IQCM: variants seen among roughly 807,000 people sequenced by gnomAD.
IQCM encodes the protein IQ motif containing M, also known as IQ domain-containing protein M.
A neutral mutation model predicts 57.6 loss-of-function variants in IQCM; 45 were observed. That is an observed-to-expected ratio of 0.78 (90% CI 0.62 to 1.00). The LOEUF (loss-of-function observed/expected upper bound fraction) is 1.00, where lower values mean the gene tolerates loss of function less well. Ranked by LOEUF, IQCM falls within the 50% of genes least tolerant of loss-of-function variation. The pLI, the probability that IQCM is intolerant of heterozygous loss-of-function variation, is 0.00. For synonymous variants in IQCM, 148 were observed against 158.9 expected (o/e 0.93, Z 0.51); for missense variants, 468 against 511.6 (o/e 0.91, Z 0.82).
chr4:149,468,437 C>T (rs531078115), intron 12 of IQCM, among the ~76,000 whole-genome samples: 20 of 152,254 alleles, frequency 1.3e-4, no homozygotes, highest in African/African-American at 3.4e-4. Context: ...GAGGGGCGTC[C>T]GCCATTGCTG....
At chr4:149,562,298 T>C (rs898974730) in intron 10 of IQCM, among the ~76,000 whole-genome samples, 1 of 152,080 alleles carries the variant, frequency 6.6e-6, no homozygotes, top group African/African-American at 2.4e-5. Context: ...CATGTAAGGG[T>C]AGATGAATGG....
At chr4:149,661,852 G>A (rs563316193) in intron 7 of IQCM, among the ~76,000 whole-genome samples, 3 of 151,932 alleles carry the variant, frequency 2.0e-5, no homozygotes, top group African/African-American at 7.2e-5. Context: ...TCTTAGTCTG[G>A]CTAATGATTT....
At chr4:149,422,149 A>G (rs1298464220) in intron 13 of IQCM, among the ~76,000 whole-genome samples, 1 of 152,028 alleles carries the variant, frequency 6.6e-6, no homozygotes, top group Non-Finnish European at 1.5e-5. Flanking sequence ...CTTCAGCAAC[A>G]TTTACATCTA....
At chr4:149,537,469 T>A (rs1747411588) in intron 12 of IQCM, among the ~76,000 whole-genome samples, 1 of 151,738 alleles carries the variant, frequency 6.6e-6, no homozygotes, top group Non-Finnish European at 1.5e-5. Context: ...CAGAGACTTG[T>A]GGGAAAACTT....
intron 13 of IQCM, among the ~76,000 whole-genome samples, chr4:149,405,129 C>CA (rs1423657507): frequency 6.6e-6 from 1 of 150,616 alleles, no homozygotes; most frequent in Admixed American, 6.6e-5. Context: ...AAAATTAGGC[C>CA]AAAAAAGAAA....
chr4:149,482,526 A>G (rs1244947954), intron 12 of IQCM, among the ~76,000 whole-genome samples: 1 of 151,966 alleles, frequency 6.6e-6, no homozygotes, highest in African/African-American at 2.4e-5. Flanking sequence ...TTTAGAATCA[A>G]TTGAAATGGT....
chr4:149,812,485 CACACACACACACACACAG>C, intron 2 of IQCM, among the ~76,000 whole-genome samples: 5 of 137,520 alleles, frequency 3.6e-5, no homozygotes, highest in African/African-American at 1.5e-4. Flanking sequence ...CTCTCTCACA[CACACACACACACACACAG>C]ACACACACAC....
At chr4:149,442,568 A>C (rs559929967) in intron 12 of IQCM, among the ~76,000 whole-genome samples, 1 of 152,144 alleles carries the variant, frequency 6.6e-6, no homozygotes, top group African/African-American at 2.4e-5. Flanking sequence ...CTGCCACTAC[A>C]TAACAAGAAT....
chr4:149,353,768 T>C (rs1177236024), intron 13 of IQCM, among the ~76,000 whole-genome samples: 1 of 152,062 alleles, frequency 6.6e-6, no homozygotes, highest in Non-Finnish European at 1.5e-5. Flanking sequence ...AATTGGTTAC[T>C]AGAGGTGGAG....
At chr4:149,401,056 T>G (rs1287268229) in intron 13 of IQCM, among the ~76,000 whole-genome samples, 1 of 151,696 alleles carries the variant, frequency 6.6e-6, no homozygotes, top group African/African-American at 2.4e-5. Context: ...AATAAATAAT[T>G]TAACGCATAT....
Position 149,797,953 on chromosome 4 carries a change from G to GAA in IQCM, c.-49+17356_-49+17357dup, listed in dbSNP as rs568780704. Among the ~76,000 whole-genome samples the GAA allele has an allele frequency of 4.9e-5, 7 of 143,630 alleles. No homozygotes were observed. In the East Asian group the frequency reaches 1.2e-3, roughly 25 times the overall value. The allele number at this position is 143,630 out of a possible 152,430, so 94.2% of individuals were successfully genotyped here. On this transcript the variant is annotated intron_variant, in intron 2 of 13. Coordinates refer to ENST00000636793, the MANE Select transcript of IQCM (RefSeq NM_001363507.2). The stretch of plus-strand genomic sequence containing the variant: ...AATGCTAAAGAGAGTACTTCAATCA[G>GAA]AAAAAAAAAAGACATTAATGAGCAA...
At chr4:149,549,819 C>T (rs971509452) in intron 11 of IQCM, among the ~76,000 whole-genome samples, 2 of 152,138 alleles carry the variant, frequency 1.3e-5, no homozygotes, top group African/African-American at 4.8e-5. Context: ...TTTTTCTATT[C>T]ATTCATTCAT....
intron 7 of IQCM, among the ~76,000 whole-genome samples, chr4:149,627,296 G>A (rs1156730067): frequency 6.6e-6 from 1 of 152,156 alleles, no homozygotes; most frequent in Non-Finnish European, 1.5e-5. Flanking sequence ...CTGGGAATTA[G>A]GCAGAGAACC....
At chr4:149,400,880 C>T (rs1560804992) in intron 13 of IQCM, among the ~76,000 whole-genome samples, 1 of 151,810 alleles carries the variant, frequency 6.6e-6, no homozygotes, top group Admixed American at 6.6e-5. Context: ...GCTGTATAGA[C>T]TAATTCTTAT....
intron 5 of IQCM, among the ~76,000 whole-genome samples, chr4:149,729,742 C>G (rs1158300450): frequency 1.3e-5 from 2 of 152,002 alleles, no homozygotes; most frequent in Non-Finnish European, 2.9e-5. Flanking sequence ...TCTTTGTTTC[C>G]TTTACCCCTT....
At chr4:149,549,058 T>C (rs949757149) in intron 11 of IQCM, among the ~76,000 whole-genome samples, 1 of 152,206 alleles carries the variant, frequency 6.6e-6, no homozygotes, top group Non-Finnish European at 1.5e-5. Flanking sequence ...GGCCCCTAAT[T>C]GGGAGCAATG....
chr4:149,683,763 G>C (rs1762363154), intron 6 of IQCM, among the ~76,000 whole-genome samples: 1 of 151,308 alleles, frequency 6.6e-6, no homozygotes, highest in South Asian at 2.1e-4. Flanking sequence ...ACTAATGAAA[G>C]ATTCTAATGG....
At chr4:149,611,357 C>G (rs756564401) in intron 8 of IQCM, among the ~76,000 whole-genome samples, 5 of 152,068 alleles carry the variant, frequency 3.3e-5, no homozygotes, top group Non-Finnish European at 7.4e-5. Context: ...GAAAGGAAAT[C>G]AGTATGTCAA....
intron 5 of IQCM, chr4:149,691,833 T>C (rs1339370283): frequency 6.6e-6 from 1 of 152,166 alleles, no homozygotes; most frequent in East Asian, 1.9e-4. Flanking sequence ...AGGTATTATT[T>C]AAGGATAATA....
Sources: gnomAD v4.1 joint callset for allele counts (sites outside exome capture counted in the v4.1 genomes callset) on GRCh38, gnomAD v4.1.1 for gene constraint, MANE v1.5 for transcripts, NCBI Gene and HGNC (gene_info 2026-07-23, HGNC 2026-07-21) for gene names.